CCDC178: variants seen among roughly 807,000 people sequenced by gnomAD.
CCDC178 encodes coiled-coil domain-containing protein 178.
A neutral mutation model predicts 117.4 loss-of-function variants in CCDC178; 126 were observed. The observed-to-expected ratio is 1.07, with a 90% confidence interval of 0.93 to 1.24. The LOEUF (loss-of-function observed/expected upper bound fraction) is 1.24. Ranked by LOEUF, CCDC178 falls within the 50% of genes most tolerant of loss-of-function variation. CCDC178 has a pLI of 0.00. For missense variants in CCDC178, 1,030 were observed against 986.9 expected, an observed-to-expected ratio of 1.04 and a Z score of -0.59; for synonymous variants, 283 against 313.4, an observed-to-expected ratio of 0.90 and a Z score of 1.02.
At chr18:33,113,269 C>A (rs1475690474) in intron 20 of CCDC178, among the ~76,000 whole-genome samples, 1 of 151,924 alleles carries the variant, frequency 6.6e-6, no homozygotes, top group Admixed American at 6.6e-5. Flanking sequence ...TGCTAAAAAT[C>A]AATAATCCTT....
intron 21 of CCDC178, among the ~76,000 whole-genome samples, chr18:33,037,148 A>C (rs1309079173): frequency 1.3e-5 from 2 of 151,996 alleles, no homozygotes; most frequent in African/African-American, 4.8e-5. Flanking sequence ...TAATATAATG[A>C]TTGAAATGTG....
chr18:33,094,194 CAACT>C (rs753516245), intron 20 of CCDC178, among the ~76,000 whole-genome samples: 1 of 151,926 alleles, frequency 6.6e-6, no homozygotes, highest in Non-Finnish European at 1.5e-5. Context: ...CCAAAATGAC[CAACT>C]GAGAATCATT....
intron 20 of CCDC178, among the ~76,000 whole-genome samples, chr18:33,195,018 G>T (rs2058912063): frequency 6.7e-6 from 1 of 149,766 alleles, no homozygotes; most frequent in Non-Finnish European, 1.5e-5. Flanking sequence ...TACTATTTGT[G>T]AGGCTGAGGC....
intron 2 of CCDC178, 97 bp from the exon 3 acceptor site, chr18:33,412,207 T>C: frequency 2.1e-6 from 1 of 483,854 alleles, no homozygotes; most frequent in South Asian, 3.6e-5. Context: ...TAGTGTAAAA[T>C]GTAAGGATGT....
chr18:33,428,802 A>G (rs1401110211), intron 2 of CCDC178, among the ~76,000 whole-genome samples: 1 of 150,808 alleles, frequency 6.6e-6, no homozygotes, highest in Non-Finnish European at 1.5e-5. Flanking sequence ...GGGTAATATA[A>G]CAGGGTTCCT....
chr18:33,315,230 C>CG (rs1383654523), intron 11 of CCDC178, among the ~76,000 whole-genome samples: 1 of 152,128 alleles, frequency 6.6e-6, no homozygotes, highest in Non-Finnish European at 1.5e-5. Context: ...GCTTGATAAT[C>CG]GTCTGACTTT....
chr18:33,344,408 ATC>A (rs2062859305), intron 9 of CCDC178, among the ~76,000 whole-genome samples: 1 of 152,080 alleles, frequency 6.6e-6, no homozygotes, highest in Non-Finnish European at 1.5e-5. Flanking sequence ...ACGAACATAA[ATC>A]TGTTTTCTAA....
intron 20 of CCDC178, among the ~76,000 whole-genome samples, chr18:33,107,830 A>C (rs2057728348): frequency 6.6e-6 from 1 of 151,734 alleles, no homozygotes; most frequent in African/African-American, 2.4e-5. Flanking sequence ...GACTCCCTGA[A>C]AGTACACTAT....
chr18:33,324,524 C>T (rs1453491430), intron 10 of CCDC178, among the ~76,000 whole-genome samples: 1 of 151,892 alleles, frequency 6.6e-6, no homozygotes, highest in Non-Finnish European at 1.5e-5. Context: ...AGTGGTAACA[C>T]TTTGTATTCT....
chr18:32,987,901 C>T (rs2055296702), intron 21 of CCDC178, among the ~76,000 whole-genome samples: 2 of 150,008 alleles, frequency 1.3e-5, no homozygotes, highest in African/African-American at 4.9e-5. Context: ...AGTTTGAGAC[C>T]AGCCTGGACA....
intron 21 of CCDC178, among the ~76,000 whole-genome samples, chr18:32,975,423 T>C (rs2055010017): frequency 6.6e-6 from 1 of 152,176 alleles, no homozygotes; most frequent in Non-Finnish European, 1.5e-5. Context: ...GGAAATTTAA[T>C]ATAAAAACCA....
At chr18:33,215,750 T>C (rs1057361150) in intron 18 of CCDC178, 55 bp from the exon 19 acceptor site, 2 of 1,286,850 alleles carry the variant, frequency 1.6e-6, no homozygotes, top group African/African-American at 3.1e-5. Context: ...TTCAAATCCC[T>C]GCTATTTAGG....
intron 5 of CCDC178, among the ~76,000 whole-genome samples, chr18:33,383,239 G>A (rs966692121): frequency 6.6e-6 from 1 of 152,170 alleles, no homozygotes; most frequent in African/African-American, 2.4e-5. Flanking sequence ...CTGGGAAAGA[G>A]CACCTTGGGG....
chr18:32,987,423 C>T, intron 21 of CCDC178, among the ~76,000 whole-genome samples: 1 of 151,862 alleles, frequency 6.6e-6, no homozygotes, highest in Middle Eastern at 3.7e-3. Context: ...ATATCTAGGT[C>T]TATAGATATC....
intron 22 of CCDC178, among the ~76,000 whole-genome samples, chr18:32,970,867 G>A (rs993236992): frequency 1.3e-5 from 2 of 151,972 alleles, no homozygotes; most frequent in African/African-American, 2.4e-5. Flanking sequence ...ATTGTGGTTC[G>A]TGGGTATATA....
chr18:33,361,956 T>A (rs964010559), intron 6 of CCDC178, among the ~76,000 whole-genome samples: 1 of 151,770 alleles, frequency 6.6e-6, no homozygotes, highest in African/African-American at 2.4e-5. Context: ...TTTAGGTATA[T>A]ACCCAAAGGA....
chr18:33,048,709 C>G (rs753478712), intron 21 of CCDC178, among the ~76,000 whole-genome samples: 4 of 151,888 alleles, frequency 2.6e-5, no homozygotes, highest in Non-Finnish European at 5.9e-5. Context: ...TAGGGGAAAC[C>G]ATCAAATAAA....
intron 11 of CCDC178, among the ~76,000 whole-genome samples, chr18:33,309,874 C>T (rs746646996): frequency 1.6e-4 from 24 of 151,448 alleles, no homozygotes; most frequent in African/African-American, 4.1e-4. Context: ...TGTATGCAAA[C>T]GGATCTTATA....
At chr18:33,058,962 A>G (rs1180792829) in intron 21 of CCDC178, among the ~76,000 whole-genome samples, 1 of 152,152 alleles carries the variant, frequency 6.6e-6, no homozygotes, top group African/African-American at 2.4e-5. Flanking sequence ...TAAATATACA[A>G]TATTTATAAG....
Sources: allele counts gnomAD v4.1 joint callset (sites outside exome capture counted in the v4.1 genomes callset), GRCh38; gene constraint gnomAD v4.1.1; transcripts MANE v1.5; gene names NCBI Gene and HGNC (gene_info 2026-07-23, HGNC 2026-07-21).